The following GLRA3 variants were observed in gnomAD, a reference collection of about 807,000 sequenced individuals.
The protein encoded by GLRA3 is glycine receptor alpha 3.
A neutral mutation model predicts 60.4 loss-of-function variants in GLRA3; 44 were observed. The ratio of observed to expected loss-of-function variants is 0.73; its 90% CI spans 0.57 to 0.94. The LOEUF (loss-of-function observed/expected upper bound fraction) is 0.94, where lower values mean the gene tolerates loss of function less well. Among genes scored for constraint, GLRA3 ranks in the 40% least tolerant of loss-of-function variants. The pLI, the probability that GLRA3 is intolerant of heterozygous loss-of-function variation, is 0.00. For missense variants in GLRA3, 508 were observed against 564.6 expected (o/e 0.90, Z 1.02); for synonymous variants, 223 against 192.9 (o/e 1.16, Z -1.29).
intron 3 of GLRA3, among the ~76,000 whole-genome samples, chr4:174,761,145 T>C (rs1737928298): frequency 6.6e-6 from 1 of 152,144 alleles, no homozygotes; most frequent in African/African-American, 2.4e-5. Context: ...TTATAATCCA[T>C]GCATCTTGGT....
intron 5 of GLRA3, among the ~76,000 whole-genome samples, chr4:174,686,736 G>T (rs78243097): frequency 1.2e-3 from 178 of 152,282 alleles, no homozygotes; most frequent in African/African-American, 4.1e-3. Context: ...TATAAAGTAT[G>T]CAAAAGAAGG....
chr4:174,782,786 G>C (rs575913961), intron 2 of GLRA3, among the ~76,000 whole-genome samples: 2,414 of 152,026 alleles, frequency 0.016, 74 homozygotes, highest in African/African-American at 0.055. Flanking sequence ...TCTTCAAGGA[G>C]AACTACAAAC....
chr4:174,689,305 T>A (rs531389816), intron 5 of GLRA3, among the ~76,000 whole-genome samples: 158 of 152,320 alleles, frequency 1.0e-3, no homozygotes, highest in Non-Finnish European at 2.0e-3. Flanking sequence ...TTTGCAAGTA[T>A]TGCAGTAAGA....
intron 1 of GLRA3, among the ~76,000 whole-genome samples, chr4:174,814,494 G>A (rs1430147702): frequency 6.6e-6 from 1 of 152,158 alleles, no homozygotes; most frequent in Non-Finnish European, 1.5e-5. Context: ...TGCCAGTGGA[G>A]CTTGGAAAGC....
intron 3 of GLRA3, among the ~76,000 whole-genome samples, chr4:174,753,032 T>G (rs1181300378): frequency 6.6e-6 from 1 of 152,210 alleles, no homozygotes; most frequent in Non-Finnish European, 1.5e-5. Flanking sequence ...ACTTCCCTTT[T>G]GTTTTAAAAC....
rs561328904 is a variant in GLRA3 at position 174,649,579 on chromosome 4, C to T, written c.1117-5515G>A. Reference sequence around the variant, plus strand: ...CTCTCAGCTCTGATTAAGGGAATGGCGCAGGGGTGGTAGTTTTCATTAATT... The same window carrying T: ...CTCTCAGCTCTGATTAAGGGAATGGTGCAGGGGTGGTAGTTTTCATTAATT... On this transcript the variant is annotated intron_variant, in intron 9 of 9. Transcript: ENST00000274093. Among the ~76,000 whole-genome samples, 101 of 152,188 alleles carry T rather than the reference C, an allele frequency of 6.6e-4. 2 individuals are homozygous for T. Among genetic ancestry groups the T allele is most frequent in the Non-Finnish European group, 9.9e-4 (67 of 68,006 alleles).
At chr4:174,652,016 A>G (rs760343643) in intron 9 of GLRA3, among the ~76,000 whole-genome samples, 1 of 151,856 alleles carries the variant, frequency 6.6e-6, no homozygotes, top group Non-Finnish European at 1.5e-5. Context: ...TAAAAACATC[A>G]AGTTTTTTTT....
At chr4:174,789,678 T>C (rs893642883) in intron 1 of GLRA3, among the ~76,000 whole-genome samples, 1 of 152,208 alleles carries the variant, frequency 6.6e-6, no homozygotes, top group African/African-American at 2.4e-5. Flanking sequence ...TAGAAACCCA[T>C]AGTGTAGGCT....
chr4:174,676,790 T>C (rs6811602), intron 7 of GLRA3, among the ~76,000 whole-genome samples: 8,876 of 152,234 alleles, frequency 0.058, 302 homozygotes, highest in South Asian at 0.12. Context: ...TTCTAAATAT[T>C]TTAAAACCTA....
chr4:174,717,783 T>C (rs1173501929), intron 4 of GLRA3, among the ~76,000 whole-genome samples: 1 of 152,238 alleles, frequency 6.6e-6, no homozygotes, highest in Admixed American at 6.5e-5. Context: ...GTAGACACAA[T>C]GTTTTTTGCC....
intron 6 of GLRA3, among the ~76,000 whole-genome samples, chr4:174,679,057 T>C (rs1166292278): frequency 1.3e-5 from 2 of 151,860 alleles, no homozygotes; most frequent in African/African-American, 2.4e-5. Context: ...AAAATGCAAA[T>C]CAAAACCACA....
rs143914054 is a variant in GLRA3, at chr4:174,776,700, C to T, written c.200-9670G>A. On this transcript the variant is annotated intron_variant, in intron 2 of 9. Transcript: ENST00000274093. The stretch of plus-strand genomic sequence containing the variant: ...TGCATCGTTAGTGTTGAGGGTGAAC[C>T]GCTGCTTTTCATCATTGACACTTGT... Among the ~76,000 whole-genome samples, 384 of 152,088 alleles carry T rather than the reference C, an allele frequency of 2.5e-3. 4 individuals carry two copies. Among genetic ancestry groups the T allele is most frequent in the African/African-American group, 8.8e-3 (364 of 41,484 alleles).
intron 8 of GLRA3, 37 bp downstream of exon 8, chr4:174,659,017 C>G (rs781756935): frequency 6.4e-7 from 1 of 1,571,192 alleles, no homozygotes; most frequent in Non-Finnish European, 8.7e-7. Flanking sequence ...CGAGTGAAAA[C>G]TGGATTCTGC....
At chr4:174,793,419 C>CATTTATTTATTT (rs776050618) in intron 1 of GLRA3, among the ~76,000 whole-genome samples, 3 of 89,822 alleles carry the variant, frequency 3.3e-5, no homozygotes, top group South Asian at 3.0e-4. Context: ...TCAAAATTTA[C>CATTTATTTATTT]ATTCATTTAT....
At chr4:174,738,330 T>C (rs554391631) in intron 3 of GLRA3, among the ~76,000 whole-genome samples, 112 of 152,312 alleles carry the variant, frequency 7.4e-4, no homozygotes, top group African/African-American at 2.6e-3. Context: ...AATCAATCAT[T>C]AGATATTTTC....
At chr4:174,808,811 A>G (rs947887385) in intron 1 of GLRA3, among the ~76,000 whole-genome samples, 1 of 152,208 alleles carries the variant, frequency 6.6e-6, no homozygotes, top group Admixed American at 6.6e-5. Context: ...AAAAAAATTT[A>G]AACCTAGACA....
chr4:174,651,970 G>C (rs376608802), intron 9 of GLRA3, among the ~76,000 whole-genome samples: 27 of 152,150 alleles, frequency 1.8e-4, no homozygotes, highest in Middle Eastern at 3.4e-3. Context: ...CTCGCAGTAA[G>C]ACAGGGGATG....
Position 174,687,034 on chromosome 4 carries a change from C to T in GLRA3, c.575-4095G>A, listed in dbSNP as rs115611363. Among the ~76,000 whole-genome samples the T allele has an allele frequency of 7.2e-3, 1,093 of 152,204 alleles. 13 individuals carry two copies. Among genetic ancestry groups the T allele is most frequent in the African/African-American group, 0.025 (1,042 of 41,530 alleles). On this transcript the variant is annotated intron_variant, in intron 5 of 9. Transcript: ENST00000274093. Reference sequence around the variant, plus strand: ...CACAAGGTCAAAACTGCTTTCATAACCATAATAAGACATTTGCCTTTTTCA... The same window carrying T: ...CACAAGGTCAAAACTGCTTTCATAATCATAATAAGACATTTGCCTTTTTCA...
At chr4:174,644,153 G>T in intron 9 of GLRA3, 89 bp from the exon 10 acceptor site, 3 of 740,554 alleles carry the variant, frequency 4.1e-6, no homozygotes, top group Admixed American at 4.8e-5. Context: ...TTTTATCATG[G>T]TTAATATTTA....
Sources: gnomAD v4.1 joint callset for allele counts (sites outside exome capture counted in the v4.1 genomes callset) on GRCh38, gnomAD v4.1.1 for gene constraint, MANE v1.5 for transcripts, NCBI Gene and HGNC (gene_info 2026-07-23, HGNC 2026-07-21) for gene names.